The following ECE1 variants were observed in gnomAD, a reference collection of about 807,000 sequenced individuals.
ECE1 encodes the protein endothelin converting enzyme 1, also known as endothelin-converting enzyme 1.
In ECE1, 35 loss-of-function variants were observed where a neutral mutation model predicts 98.6. That is an observed-to-expected ratio of 0.35 (90% CI 0.27 to 0.47). The LOEUF (loss-of-function observed/expected upper bound fraction) is 0.47, where lower values mean the gene tolerates loss of function less well. ECE1 is among the 20% of genes least tolerant of loss of function. The probability of loss-of-function intolerance (pLI) is 1.00; values close to 1 mark genes in which losing one functional copy is unlikely to be tolerated. For missense variants in ECE1, 814 were observed against 1,025.3 expected, an observed-to-expected ratio of 0.79 and a Z score of 2.81; for synonymous variants, 394 against 407.1, an observed-to-expected ratio of 0.97 and a Z score of 0.39.
At chr1:21,344,107 G>A (rs548695494) in intron 1 of ECE1, among the ~76,000 whole-genome samples, 5 of 152,170 alleles carry the variant, frequency 3.3e-5, no homozygotes, top group Non-Finnish European at 7.4e-5. Flanking sequence ...ACTCTAGTGA[G>A]GCAACTGGCG....
At chr1:21,343,745 G>T (rs1046685660) in intron 1 of ECE1, among the ~76,000 whole-genome samples, 6 of 152,210 alleles carry the variant, frequency 3.9e-5, no homozygotes, top group African/African-American at 1.4e-4. Context: ...TTCACAATAG[G>T]CTGGTGGGCT....
At chr1:21,329,243 C>T (rs894386726) in intron 1 of ECE1, among the ~76,000 whole-genome samples, 9 of 152,206 alleles carry the variant, frequency 5.9e-5, no homozygotes, top group South Asian at 2.1e-4. Flanking sequence ...ATGAAACTTG[C>T]ATTTGTAACC....
At chr1:21,334,783 C>T (rs938515081) in intron 1 of ECE1, among the ~76,000 whole-genome samples, 3 of 152,144 alleles carry the variant, frequency 2.0e-5, no homozygotes, top group Admixed American at 6.5e-5. Flanking sequence ...GGCTACCTCT[C>T]TCCCATCCCT....
intron 4 of ECE1, among the ~76,000 whole-genome samples, chr1:21,272,384 C>T (rs536977144): frequency 6.5e-4 from 99 of 152,322 alleles, no homozygotes; most frequent in African/African-American, 2.3e-3. Flanking sequence ...CTCTGCCTCC[C>T]AGTTTCAAGC....
Position 21,258,100 on chromosome 1 carries a change from C to A in ECE1, c.763-510G>T, listed in dbSNP as rs948378567. Among the ~76,000 whole-genome samples the A allele has an allele frequency of 6.6e-6, 1 of 152,178 alleles. No homozygotes were observed. Among genetic ancestry groups the A allele is most frequent in the African/African-American group, 2.4e-5 (1 of 41,442 alleles). ...TGCTTGCTACTATTGGCACCCATGG[C>A]CACATCTTGGCATACCTAGGACAGG... On this transcript the variant is annotated intron_variant, in intron 6 of 18. Transcript: ENST00000374893. The surrounding 1 kb of genome is among the most constrained non-coding windows in gnomAD (Gnocchi z 4.2).
At chr1:21,324,760 C>A (rs982651891) in intron 1 of ECE1, among the ~76,000 whole-genome samples, 1 of 152,198 alleles carries the variant, frequency 6.6e-6, no homozygotes, top group Non-Finnish European at 1.5e-5. Flanking sequence ...CAAATGGAGG[C>A]GGAGGTGGCA....
At chr1:21,316,427 C>T (rs1346398951) in intron 1 of ECE1, among the ~76,000 whole-genome samples, 1 of 151,708 alleles carries the variant, frequency 6.6e-6, no homozygotes, top group Non-Finnish European at 1.5e-5. Flanking sequence ...CGCCACCACA[C>T]TGAGCTAATT....
Position 21,272,497 on chromosome 1 carries a change from G to A in ECE1, c.493+202C>T, listed in dbSNP as rs188058477. 9.8e-3 allele frequency among the ~76,000 whole-genome samples: 1,496 copies of A among 152,270 alleles called. 17 individuals carry two copies. Among genetic ancestry groups the A allele is most frequent in the Non-Finnish European group, 0.016 (1,095 of 68,016 alleles). ...AGTAGAGACAGGGTTTTGCCATGTT[G>A]GCCAGGCTGGTCTTGAACTCCTGGC... is the stretch of plus-strand genomic sequence containing the variant. On this transcript the variant is annotated intron_variant, in intron 4 of 18. Coordinates refer to ENST00000374893, the MANE Select transcript of ECE1 (RefSeq NM_001397.3).
At position 21,236,758 on chromosome 1, in the gene ECE1, T is replaced by C. The variant is rs1459308837; in HGVS notation, c.1476A>G (p.Ser492=). The stretch of plus-strand genomic sequence containing the variant: ...TGGCCAGCCTCACCTTTTCCTTGGC[T>C]GATTTTCGGGTTTCCTCATCCATCC... ...LKWMDEETRK[S]AKEKADAIYN... is the part of the protein sequence containing the mutation. The change falls in exon 12 of 19, where the codon TCA becomes TCG. Residue 492 remains serine, a synonymous_variant. Coordinates refer to ENST00000374893, the MANE Select transcript of ECE1 (RefSeq NM_001397.3). 1 of 1,614,060 alleles carries C rather than the reference T, an allele frequency of 6.2e-7. No individual in the cohort carries two copies.
rs1178693375 is a variant in ECE1, at chr1:21,322,573, A to C, written c.3+22803T>G. On this transcript the variant is annotated intron_variant, in intron 1 of 18. Coordinates refer to the ECE1 transcript ENST00000415912. The surrounding 1 kb of genome is among the most constrained non-coding windows in gnomAD (Gnocchi z 4.1). ...CTCCAGGGCCCCAGGCCTGTGACCA[A>C]AATGGCAGTGCCACTGCTGGCATAG... 6.6e-6 allele frequency among the ~76,000 whole-genome samples: 1 copy of C among 152,196 alleles called. No individual in the cohort carries two copies. The highest frequency in any genetic ancestry group is 1.5e-5 in the Non-Finnish European group (1 of 68,022).
chr1:21,248,947 A>C (rs1186064497), intron 8 of ECE1, among the ~76,000 whole-genome samples: 4 of 151,930 alleles, frequency 2.6e-5, no homozygotes, highest in Non-Finnish European at 5.9e-5. Context: ...TCTTATCTGC[A>C]GGGTCTTGGT....
intron 1 of ECE1, among the ~76,000 whole-genome samples, chr1:21,324,240 G>A (rs1639028213): frequency 2.0e-5 from 3 of 152,146 alleles, no homozygotes; most frequent in Non-Finnish European, 2.9e-5. Context: ...GGGCTCAAGC[G>A]ATCCTCTTGC....
chr1:21,240,665 C>G (rs1417538434), intron 10 of ECE1, among the ~76,000 whole-genome samples: 2 of 152,242 alleles, frequency 1.3e-5, no homozygotes, highest in Admixed American at 6.5e-5. Flanking sequence ...CATTTGGATG[C>G]CTTGCCCTCA....
Position 21,220,468 on chromosome 1 carries a change from C to T in ECE1, c.2137-337G>A, listed in dbSNP as rs548224355. On this transcript the variant is annotated intron_variant, in intron 18 of 18. Coordinates refer to ENST00000374893, the MANE Select transcript of ECE1 (RefSeq NM_001397.3). The surrounding 1 kb of genome is among the most constrained non-coding windows in gnomAD (Gnocchi z 5.0). ...GAGCTGTGATTGTGCCACTGCATTC[C>T]AGCCTCGGTGATAGAGTGAGATCCT... Among the ~76,000 whole-genome samples, 3 of 152,152 alleles carry T rather than the reference C, an allele frequency of 2.0e-5. No individual in the cohort carries two copies. In the South Asian group the frequency reaches 6.2e-4, roughly 32 times the overall value.
intron 1 of ECE1, among the ~76,000 whole-genome samples, chr1:21,330,063 A>C (rs1318209260): frequency 6.7e-6 from 1 of 149,950 alleles, no homozygotes; most frequent in Non-Finnish European, 1.5e-5. Context: ...TCAAGACCCA[A>C]CTCAAACATC....
chr1:21,336,584 T>C (rs1639309378), intron 1 of ECE1, among the ~76,000 whole-genome samples: 2 of 151,724 alleles, frequency 1.3e-5, no homozygotes, highest in Non-Finnish European at 2.9e-5. Flanking sequence ...CTCACACCTG[T>C]AGTAATCCCA....
At chr1:21,227,527 C>T (rs566311378) in intron 15 of ECE1, among the ~76,000 whole-genome samples, 9 of 152,324 alleles carry the variant, frequency 5.9e-5, no homozygotes, top group African/African-American at 2.2e-4. Context: ...TCGCCATTGA[C>T]CAGCTCTATT....
intron 1 of ECE1, chr1:21,299,619 G>A (rs1234463530): frequency 4.6e-5 from 7 of 152,224 alleles, no homozygotes; most frequent in Non-Finnish European, 8.8e-5. Flanking sequence ...GGTTGCAGAC[G>A]GCTGAGGGTG....
chr1:21,340,764 C>T lies in ECE1; in HGVS notation c.3+4612G>A, dbSNP rs1487192388. ...AGGAGAATCACTTGAACCAGGGAGGCTGAGGCTGCAGTGAGCTGAGATTGC... is the reference window on the plus strand; with the variant it reads ...AGGAGAATCACTTGAACCAGGGAGGTTGAGGCTGCAGTGAGCTGAGATTGC... On this transcript the variant is annotated intron_variant, in intron 1 of 18. Transcript: ENST00000415912. This position sits in a 1 kb window ranked among gnomAD's most constrained non-coding sequence, Gnocchi z 4.6. 6.6e-6 allele frequency among the ~76,000 whole-genome samples: 1 copy of T among 152,160 alleles called. No homozygotes were observed. The highest frequency in any genetic ancestry group is 1.5e-5 in the Non-Finnish European group (1 of 68,026).
Sources: gnomAD v4.1 joint callset for allele counts (sites outside exome capture counted in the v4.1 genomes callset) on GRCh38, gnomAD v4.1.1 for gene constraint, Gnocchi (gnomAD v3.1) non-coding constraint, MANE v1.5 for transcripts, NCBI Gene and HGNC (gene_info 2026-07-23, HGNC 2026-07-21) for gene names.